NUGGC: variants seen among roughly 807,000 people sequenced by gnomAD.
The protein encoded by NUGGC is nuclear GTPase SLIP-GC.
Under a neutral mutation model 92.6 loss-of-function variants are expected in NUGGC, and 58 were observed. That is an observed-to-expected ratio of 0.63 (90% CI 0.51 to 0.78). The LOEUF (loss-of-function observed/expected upper bound fraction) is 0.78, where lower values mean the gene tolerates loss of function less well. Ranked by LOEUF, NUGGC falls within the 30% of genes least tolerant of loss-of-function variation. The probability of loss-of-function intolerance (pLI) is 0.00; values close to 1 mark genes in which losing one functional copy is unlikely to be tolerated. For missense variants in NUGGC, 925 were observed against 964.6 expected, an observed-to-expected ratio of 0.96 and a Z score of 0.54; for synonymous variants, 376 against 366.4, an observed-to-expected ratio of 1.03 and a Z score of -0.30.
chr8:28,033,584 C>T lies in NUGGC; in HGVS notation c.1725G>A (p.Gln575=). 1.2e-6 allele frequency: 2 copies of T among 1,614,000 alleles called. No individual in the cohort carries two copies. Among genetic ancestry groups the T allele is most frequent in the Non-Finnish European group, 1.7e-6 (2 of 1,179,878 alleles). ...CAGGGTCGATCTGGTCATAGACGGG[C>T]TGAGTGAGGGCTTCATTTAGATCAA... ...ARIDLNEALT[Q]PVYDQIDPVF... Residue 575 remains glutamine, a synonymous_variant, in exon 14 of 19, where the codon CAG becomes CAA. Coordinates refer to ENST00000413272, the MANE Select transcript of NUGGC (RefSeq NM_001010906.2).
intron 10 of NUGGC, among the ~76,000 whole-genome samples, chr8:28,053,270 G>A (rs1810051037): frequency 6.6e-6 from 1 of 152,132 alleles, no homozygotes; most frequent in Non-Finnish European, 1.5e-5. Context: ...ACCAGCCTGG[G>A]CAACATACCC....
chr8:28,058,880 A>G (rs1810220287), intron 8 of NUGGC, among the ~76,000 whole-genome samples: 2 of 151,550 alleles, frequency 1.3e-5, no homozygotes, highest in Admixed American at 6.6e-5. Flanking sequence ...TTTATTTTGT[A>G]TTTTTTAGTA....
chr8:28,062,989 C>A (rs1489949609), intron 7 of NUGGC, among the ~76,000 whole-genome samples: 2 of 152,124 alleles, frequency 1.3e-5, no homozygotes, highest in East Asian at 1.9e-4. Flanking sequence ...CCTGCATCTC[C>A]CCAGGCCCCC....
At chr8:28,053,089 C>CA (rs369949493) in intron 10 of NUGGC, among the ~76,000 whole-genome samples, 60 of 145,062 alleles carry the variant, frequency 4.1e-4, no homozygotes, top group Middle Eastern at 3.5e-3. Flanking sequence ...CACACCCAGC[C>CA]AAAAAAAAAA....
At chr8:28,057,373 T>C (rs1165284012) in intron 9 of NUGGC, among the ~76,000 whole-genome samples, 2 of 147,638 alleles carry the variant, frequency 1.4e-5, no homozygotes, top group African/African-American at 5.0e-5. Context: ...AGATGGAGTC[T>C]CACTGTTGCT....
chr8:28,075,171 T>C (rs1296492762), intron 1 of NUGGC, among the ~76,000 whole-genome samples: 1 of 151,974 alleles, frequency 6.6e-6, no homozygotes, highest in Non-Finnish European at 1.5e-5. Flanking sequence ...ATTCCTAGAG[T>C]TCCCTGGAGT....
chr8:28,033,937 C>G (rs973525027), intron 13 of NUGGC, among the ~76,000 whole-genome samples: 6 of 152,232 alleles, frequency 3.9e-5, no homozygotes, highest in Non-Finnish European at 8.8e-5. Flanking sequence ...CACAACCCTT[C>G]TGAAGTGATT....
intron 8 of NUGGC, 81 bp downstream of exon 8, chr8:28,060,345 A>C: frequency 7.3e-7 from 1 of 1,361,220 alleles, no homozygotes; most frequent in Non-Finnish European, 1.0e-6. Context: ...TTACAAAGTC[A>C]AGCTCCATGC....
At position 28,074,924 on chromosome 8, in the gene NUGGC, G is replaced by A. The variant is rs114650356; in HGVS notation, c.-46-468C>T. On this transcript the variant is annotated intron_variant, in intron 1 of 18. Coordinates refer to ENST00000413272, the MANE Select transcript of NUGGC (RefSeq NM_001010906.2). ...ACTGCACTCCAGCCTGGATGACAAA[G>A]CGAGACTCTGTCTTGAGAAAAAAAA... Among the ~76,000 whole-genome samples, 763 of 152,244 alleles carry A rather than the reference G, an allele frequency of 5.0e-3. 11 individuals carry two copies. The highest frequency in any genetic ancestry group is 0.017 in the African/African-American group (714 of 41,528).
At position 28,062,549 on chromosome 8, in the gene NUGGC, C is replaced by T. The variant is rs891302982; in HGVS notation, c.922-1948G>A. On this transcript the variant is annotated intron_variant, in intron 7 of 18. Transcript: ENST00000413272. ...GCAGGATTGCTCAAGCCCAGGAGGT[C>T]GAGGTTGCAGTCAGCCATGATTATG... 5.3e-5 allele frequency among the ~76,000 whole-genome samples: 8 copies of T among 152,106 alleles called. 1 individual carries two copies. In the South Asian group the frequency reaches 1.5e-3, roughly 28 times the overall value.
intron 5 of NUGGC, among the ~76,000 whole-genome samples, 167 bp downstream of exon 5, chr8:28,068,049 G>C (rs1252220894): frequency 6.7e-6 from 1 of 149,772 alleles, no homozygotes; most frequent in Non-Finnish European, 1.5e-5. Flanking sequence ...ACAGTGAGAA[G>C]GAAAGAAAGA....
chr8:28,029,536 G>C, intron 16 of NUGGC, 134 bp from the exon 17 acceptor site: 1 of 925,350 alleles, frequency 1.1e-6, no homozygotes, highest in South Asian at 1.7e-5. Context: ...ATCAGCTGAG[G>C]TCAGGAGTTC....
intron 14 of NUGGC, among the ~76,000 whole-genome samples, chr8:28,032,304 C>G (rs760935627): frequency 6.6e-6 from 1 of 152,116 alleles, no homozygotes; most frequent in Non-Finnish European, 1.5e-5. Context: ...CAAGCAAAGG[C>G]TGGAGAATGG....
chr8:28,061,289 A>G (rs904254956), intron 7 of NUGGC, among the ~76,000 whole-genome samples: 1 of 152,254 alleles, frequency 6.6e-6, no homozygotes, highest in African/African-American at 2.4e-5. Context: ...GCAAAGGCCA[A>G]TGAACATGAA....
chr8:28,062,223 G>A (rs148903426), intron 7 of NUGGC, among the ~76,000 whole-genome samples: 89 of 152,280 alleles, frequency 5.8e-4, no homozygotes, highest in African/African-American at 2.0e-3. Flanking sequence ...CACGACGATG[G>A]ATCCTGTCTC....
chr8:28,047,004 CTTG>C (rs1409577620), intron 11 of NUGGC, among the ~76,000 whole-genome samples: 2 of 150,874 alleles, frequency 1.3e-5, no homozygotes, highest in Non-Finnish European at 3.0e-5. Flanking sequence ...GAGTTTCACT[CTTG>C]TTGTCCAGGC....
At chr8:28,049,277 A>G (rs1020738846) in intron 10 of NUGGC, among the ~76,000 whole-genome samples, 1 of 152,218 alleles carries the variant, frequency 6.6e-6, no homozygotes, top group African/African-American at 2.4e-5. Flanking sequence ...TGAAGTTGCA[A>G]AAAGAATCTA....
intron 2 of NUGGC, 30 bp from the exon 3 acceptor site, chr8:28,070,386 A>T: frequency 8.3e-7 from 1 of 1,206,650 alleles, no homozygotes; most frequent in South Asian, 1.3e-5. Flanking sequence ...ATATAAGATT[A>T]TAGGTGTTGG....
chr8:28,035,824 T>TTTTG (rs879448269), intron 13 of NUGGC, among the ~76,000 whole-genome samples: 1 of 152,200 alleles, frequency 6.6e-6, no homozygotes, highest in Non-Finnish European at 1.5e-5. Context: ...TCTGGTTTGC[T>TTTTG]TTTGTTTGTT....
Sources: gnomAD v4.1 joint callset for allele counts (sites outside exome capture counted in the v4.1 genomes callset) on GRCh38, gnomAD v4.1.1 for gene constraint, MANE v1.5 for transcripts, NCBI Gene and HGNC (gene_info 2026-07-23, HGNC 2026-07-21) for gene names.